PPM1H: variants seen among roughly 807,000 people sequenced by gnomAD.
PPM1H encodes the protein protein phosphatase, Mg2+/Mn2+ dependent 1H, also known as protein phosphatase 1H.
In PPM1H, 27 loss-of-function variants were observed where a neutral mutation model predicts 54.9. That is an observed-to-expected ratio of 0.49 (90% CI 0.36 to 0.68). The LOEUF is 0.68. Ranked by LOEUF, PPM1H falls within the 30% of genes least tolerant of loss-of-function variation. The pLI is 0.00. For missense variants in PPM1H, 596 were observed against 667.8 expected (o/e 0.89, Z 1.19); for synonymous variants, 305 against 270.8 (o/e 1.13, Z -1.24).
chr12:62,762,059 G>T (rs1175133217), intron 4 of PPM1H, among the ~76,000 whole-genome samples: 2 of 152,220 alleles, frequency 1.3e-5, no homozygotes, highest in Non-Finnish European at 2.9e-5. Flanking sequence ...CTGCCTTGCT[G>T]TGTGCCAACA....
intron 6 of PPM1H, among the ~76,000 whole-genome samples, chr12:62,708,438 C>T (rs748501971): frequency 2.0e-5 from 3 of 152,130 alleles, no homozygotes; most frequent in Non-Finnish European, 4.4e-5. Context: ...ACCAGCTGTG[C>T]CAATTTCCTG....
chr12:62,671,721 C>A (rs571358644), intron 8 of PPM1H, among the ~76,000 whole-genome samples: 2 of 152,146 alleles, frequency 1.3e-5, no homozygotes, highest in Admixed American at 1.3e-4. Context: ...CCCATGGGTC[C>A]CTTCTTGCAC....
chr12:62,924,561 A>C (rs1307862141), intron 1 of PPM1H, among the ~76,000 whole-genome samples: 1 of 152,248 alleles, frequency 6.6e-6, no homozygotes, highest in Non-Finnish European at 1.5e-5. Context: ...ATTCGAGACT[A>C]TCATCCACTG....
intron 9 of PPM1H, chr12:62,659,210 C>T (rs1378173330): frequency 1.8e-5 from 11 of 618,758 alleles, no homozygotes; most frequent in South Asian, 7.0e-5. Context: ...GGCTGTGCAG[C>T]GAAGAAAATG....
At chr12:62,676,944 C>A (rs891557862) in intron 8 of PPM1H, among the ~76,000 whole-genome samples, 3 of 152,174 alleles carry the variant, frequency 2.0e-5, no homozygotes, top group Non-Finnish European at 4.4e-5. Context: ...GAGTCCACAG[C>A]CTGGAGTGAG....
At chr12:62,826,274 A>G (rs949109227) in intron 2 of PPM1H, among the ~76,000 whole-genome samples, 12 of 152,160 alleles carry the variant, frequency 7.9e-5, no homozygotes, top group African/African-American at 2.9e-4. Context: ...ACATGGCGAA[A>G]CCCTGTCTCT....
intron 1 of PPM1H, among the ~76,000 whole-genome samples, chr12:62,893,830 T>C (rs1213306686): frequency 1.3e-5 from 2 of 152,144 alleles, no homozygotes; most frequent in Non-Finnish European, 2.9e-5. Context: ...TATCTCCAAA[T>C]ATAGTCACAT....
rs564260557 is a variant in PPM1H at position 62,673,463 on chromosome 12, A to G, written c.1246-6134T>C. On this transcript the variant is annotated intron_variant, in intron 8 of 9. Coordinates refer to ENST00000228705, the MANE Select transcript of PPM1H (RefSeq NM_020700.2). ...CTCTGGCTTCTTAAAGCTACTTTTAAAAAGAATCCATCAATTCTTCCATTT... is the reference window on the plus strand; with the variant it reads ...CTCTGGCTTCTTAAAGCTACTTTTAGAAAGAATCCATCAATTCTTCCATTT... Among the ~76,000 whole-genome samples, 119 of 152,280 alleles carry G rather than the reference A, an allele frequency of 7.8e-4. 1 individual carries two copies. The highest frequency in any genetic ancestry group is 7.7e-3 in the Admixed American group (118 of 15,290).
At chr12:62,922,844 C>T (rs190459460) in intron 1 of PPM1H, among the ~76,000 whole-genome samples, 5 of 152,302 alleles carry the variant, frequency 3.3e-5, no homozygotes, top group Admixed American at 2.0e-4. Context: ...GTAACACATT[C>T]TGAAGTCTAT....
intron 1 of PPM1H, among the ~76,000 whole-genome samples, chr12:62,852,227 T>C (rs1438490729): frequency 1.5e-4 from 9 of 58,950 alleles, no homozygotes; most frequent in South Asian, 6.0e-4. Context: ...AGACTCTGTC[T>C]CAAAAAAAAA....
chr12:62,819,252 C>T (rs1345348582), intron 2 of PPM1H, among the ~76,000 whole-genome samples: 1 of 151,730 alleles, frequency 6.6e-6, no homozygotes, highest in East Asian at 1.9e-4. Flanking sequence ...GCCTCAGCCT[C>T]CCGAGTAACT....
chr12:62,646,589 A>G lies in PPM1H; in HGVS notation c.*1900T>C, dbSNP rs1039581177. On this transcript the variant is annotated 3_prime_UTR_variant, in exon 10 of 10. Transcript: ENST00000228705. ...GCCACGAAGCAAAGCATTTTCCACA[A>G]ACTTCTCTCCATAGAGATATCTGGG... The G allele has an allele frequency of 5.9e-5, 9 of 152,242 alleles. No homozygotes were observed. Among genetic ancestry groups the G allele is most frequent in the African/African-American group, 2.2e-4 (9 of 41,450 alleles). The allele number at this position is 152,242 out of a possible 1,614,324, so 9.4% of individuals were successfully genotyped here.
chr12:62,879,374 A>G (rs1470278156), intron 1 of PPM1H, among the ~76,000 whole-genome samples: 1 of 152,236 alleles, frequency 6.6e-6, no homozygotes, highest in Non-Finnish European at 1.5e-5. Flanking sequence ...AATGTCCACC[A>G]AAGATAGACT....
At chr12:62,795,018 CA>C (rs1239743162) in intron 3 of PPM1H, among the ~76,000 whole-genome samples, 2 of 152,112 alleles carry the variant, frequency 1.3e-5, no homozygotes, top group South Asian at 2.1e-4. Flanking sequence ...GAGATACAAT[CA>C]GGGGGTTGTA....
intron 1 of PPM1H, among the ~76,000 whole-genome samples, chr12:62,854,907 G>C (rs1869328210): frequency 1.3e-5 from 2 of 152,232 alleles, no homozygotes; most frequent in South Asian, 4.2e-4. Flanking sequence ...TTTTCTTCTA[G>C]TGGTCAAGAG....
intron 4 of PPM1H, among the ~76,000 whole-genome samples, chr12:62,754,082 G>C (rs1038168284): frequency 6.6e-6 from 1 of 152,138 alleles, no homozygotes; most frequent in African/African-American, 2.4e-5. Context: ...GACTTCAATG[G>C]ATTATATTTT....
At chr12:62,739,604 A>T (rs1391905080) in intron 4 of PPM1H, among the ~76,000 whole-genome samples, 1 of 152,162 alleles carries the variant, frequency 6.6e-6, no homozygotes, top group Non-Finnish European at 1.5e-5. Context: ...CCAGGCATGG[A>T]CTAGGAAGAG....
chr12:62,662,652 G>A (rs1482941745), intron 9 of PPM1H, among the ~76,000 whole-genome samples: 3 of 152,170 alleles, frequency 2.0e-5, no homozygotes, highest in Non-Finnish European at 4.4e-5. Context: ...AGAAGGGGAA[G>A]AGCCAAAATT....
chr12:62,898,246 G>GT (rs1871056721), intron 1 of PPM1H, among the ~76,000 whole-genome samples: 2 of 152,168 alleles, frequency 1.3e-5, no homozygotes, highest in African/African-American at 4.8e-5. Context: ...GGTGAACTCT[G>GT]TTTTTTCTTT....
Sources: gnomAD v4.1 joint callset for allele counts (sites outside exome capture counted in the v4.1 genomes callset) on GRCh38, gnomAD v4.1.1 for gene constraint, MANE v1.5 for transcripts, NCBI Gene and HGNC (gene_info 2026-07-23, HGNC 2026-07-21) for gene names.